Variants in USP9X observed in about 807,000 individuals in gnomAD.
USP9X encodes ubiquitin carboxyl-terminal hydrolase 9X.
In USP9X, 7 loss-of-function variants were observed where a neutral mutation model predicts 190.3. The observed-to-expected ratio is 0.04, with a 90% CI of 0.02 to 0.07. The LOEUF (loss-of-function observed/expected upper bound fraction) is 0.07, where lower values mean the gene tolerates loss of function less well. USP9X is among the 10% of genes least tolerant of loss of function. The pLI, the probability that USP9X is intolerant of heterozygous loss-of-function variation, is 1.00. For synonymous variants in USP9X, 645 were observed against 659.5 expected, an observed-to-expected ratio of 0.98 and a Z score of 0.34; for missense variants, 1,010 against 1,916.9, an observed-to-expected ratio of 0.53 and a Z score of 8.83.
chrX:41,198,562 A>T lies in USP9X; in HGVS notation c.4415A>T (p.Asn1472Ile). 8 of 1,208,147 alleles carry T rather than the reference A, an allele frequency of 6.6e-6. No homozygotes were observed. Among genetic ancestry groups the T allele is most frequent in the Non-Finnish European group, 8.9e-6 (8 of 893,925 alleles). ...GATGATTTCATATTTCCTGCATCCA[A>T]TGTTTACCTACAGTATATGAGAAAT... is the stretch of plus-strand genomic sequence containing the variant. ...LIDDFIFPAS[N>I]VYLQYMRNGE... Residue 1472 changes from asparagine (N) to isoleucine (I), a missense_variant, in exon 30 of 45, where the codon AAT (asparagine) becomes ATT (isoleucine). Asn to Ile is a moderately radical substitution (Grantham distance 149, BLOSUM62 -3). Transcript: ENST00000378308.
intron 11 of USP9X, among the ~76,000 whole-genome samples, chrX:41,146,252 T>G (rs932996191): frequency 8.9e-6 from 1 of 112,322 alleles, no homozygotes; most frequent in African/African-American, 3.2e-5. Flanking sequence ...CCCTTTGGCT[T>G]AACATATGTT....
intron 4 of USP9X, 126 bp from the exon 5 acceptor site, chrX:41,134,599 C>T (rs970279937): frequency 4.1e-6 from 2 of 487,770 alleles, no homozygotes; most frequent in Admixed American, 7.9e-5. Flanking sequence ...TACTTTTATG[C>T]AATTAAATAT....
At position 41,170,106 on chromosome X, in the gene USP9X, A is replaced by G; in HGVS notation, c.2748A>G (p.Arg916=). ...SHTNDTIGSV[R]RCILNRIKAN... ...CAAATGATACAATTGGTTCAGTACG[A>G]CGATGTATTCTCAATCGTATTAAAG... is the stretch of plus-strand genomic sequence containing the variant. Residue 916 remains arginine, a synonymous_variant, in exon 19 of 45, where the codon CGA becomes CGG. Coordinates refer to ENST00000378308, the MANE Select transcript of USP9X (RefSeq NM_001039591.3). The G allele has an allele frequency of 2.5e-6, 3 of 1,211,871 alleles. No homozygotes were observed. The highest frequency in any genetic ancestry group is 3.3e-6 in the Non-Finnish European group (3 of 895,546).
chrX:41,136,275 C>T (rs1293570527), intron 5 of USP9X, among the ~76,000 whole-genome samples: 5 of 112,119 alleles, frequency 4.5e-5, no homozygotes, highest in Non-Finnish European at 1.9e-5. Flanking sequence ...ATTCTCATGC[C>T]TCAGCCTCCC....
At chrX:41,230,618 C>T (rs1305930127) in intron 44 of USP9X, 22 bp downstream of exon 44, 1 of 1,148,689 alleles carries the variant, frequency 8.7e-7, no homozygotes, top group Admixed American at 2.3e-5. Flanking sequence ...TCAGTTTATG[C>T]TTTTATCCCC....
At chrX:41,174,026 A>C (rs1464480271) in intron 21 of USP9X, among the ~76,000 whole-genome samples, 1 of 112,078 alleles carries the variant, frequency 8.9e-6, no homozygotes, top group East Asian at 2.8e-4. Flanking sequence ...CCATTGTGTT[A>C]TAATTGCCTA....
intron 26 of USP9X, among the ~76,000 whole-genome samples, chrX:41,193,104 C>A (rs1311720986): frequency 9.0e-5 from 10 of 110,763 alleles, no homozygotes; most frequent in Non-Finnish European, 1.7e-4. Context: ...TGTGAAAGAA[C>A]AGCAGGGAAA....
chrX:41,100,475 G>GT (rs2062026013), intron 1 of USP9X, among the ~76,000 whole-genome samples: 1 of 111,443 alleles, frequency 9.0e-6, no homozygotes, highest in South Asian at 3.7e-4. Context: ...CTGAGTAAAT[G>GT]AGCGCTCTAC....
At chrX:41,173,134 CTCTTTAA>C (rs2062741739) in intron 21 of USP9X, among the ~76,000 whole-genome samples, 1 of 111,468 alleles carries the variant, frequency 9.0e-6, no homozygotes, top group Non-Finnish European at 1.9e-5. Flanking sequence ...CTTCCCTTCT[CTCTTTAA>C]TCTTATTCCA....
intron 14 of USP9X, 73 bp downstream of exon 14, chrX:41,153,154 G>A: frequency 2.0e-6 from 2 of 1,017,526 alleles, no homozygotes; most frequent in African/African-American, 1.9e-5. Flanking sequence ...CCTTAGAAAT[G>A]TAAATCATGT....
rs1171197678 is a variant in USP9X, at chrX:41,234,223, C to G, written c.*1699C>G. On this transcript the variant is annotated 3_prime_UTR_variant, in exon 45 of 45. Coordinates refer to ENST00000378308, the MANE Select transcript of USP9X (RefSeq NM_001039591.3). Reference sequence around the variant, plus strand: ...CAGGATGTTGACACTGTAAAAGTTTCCTAACATAATCTTGTACTTTTTGTA... The same window carrying G: ...CAGGATGTTGACACTGTAAAAGTTTGCTAACATAATCTTGTACTTTTTGTA... 9.0e-6 allele frequency: 1 copy of G among 111,298 alleles called. No homozygotes were observed. Among genetic ancestry groups the G allele is most frequent in the African/African-American group, 3.3e-5 (1 of 30,562 alleles). 9.2% of individuals were successfully genotyped at this position (111,298 alleles called of 1,213,427 possible).
intron 30 of USP9X, among the ~76,000 whole-genome samples, chrX:41,199,185 GA>G (rs1195442117): frequency 9.4e-6 from 1 of 106,818 alleles, no homozygotes; most frequent in South Asian, 4.1e-4. Flanking sequence ...CTCCATCTCA[GA>G]AAAAAAAGAA....
In USP9X at chrX:41,183,840, T is replaced by C. The variant is rs764719651; in HGVS notation, c.3149-158T>C. Among the ~76,000 whole-genome samples, 20 of 111,281 alleles carry C rather than the reference T, an allele frequency of 1.8e-4. No individual in the cohort carries two copies. The East Asian group carries it at 5.6e-3, about 31-fold the overall frequency. On this transcript the variant is annotated intron_variant, in intron 21 of 44. Coordinates refer to ENST00000378308, the MANE Select transcript of USP9X (RefSeq NM_001039591.3). The stretch of plus-strand genomic sequence containing the variant: ...TTTTTGTTTATTTTTTTTTTCTTTT[T>C]TAATCATTCCAGGTCTTGTCATGTC...
chrX:41,113,696 T>C (rs2062125830), intron 1 of USP9X, among the ~76,000 whole-genome samples: 1 of 111,594 alleles, frequency 9.0e-6, no homozygotes, highest in Non-Finnish European at 1.9e-5. Flanking sequence ...CAGATTTTTT[T>C]CAATAAATAT....
chrX:41,128,025 C>T (rs754144239), intron 2 of USP9X, among the ~76,000 whole-genome samples: 5 of 111,163 alleles, frequency 4.5e-5, no homozygotes, highest in Admixed American at 1.9e-4. Context: ...ACTGTTAAAA[C>T]GGGGGGAGAG....
intron 11 of USP9X, among the ~76,000 whole-genome samples, chrX:41,146,713 C>G (rs1273848889): frequency 1.0e-5 from 1 of 95,729 alleles, no homozygotes; most frequent in East Asian, 3.2e-4. Flanking sequence ...CCCCTCCCCC[C>G]ACCGTGGCAT....
intron 1 of USP9X, among the ~76,000 whole-genome samples, chrX:41,097,542 T>A (rs1024557687): frequency 8.9e-6 from 1 of 111,936 alleles, no homozygotes; most frequent in Non-Finnish European, 1.9e-5. Context: ...GTATTAGAAA[T>A]GAAAACAGAC....
intron 1 of USP9X, among the ~76,000 whole-genome samples, chrX:41,107,252 C>A (rs1569150939): frequency 9.0e-6 from 1 of 110,605 alleles, no homozygotes; most frequent in East Asian, 2.9e-4. Context: ...CTTCTGACCT[C>A]AGGTGAGCCA....
intron 20 of USP9X, among the ~76,000 whole-genome samples, chrX:41,171,240 G>GC (rs1164869279): frequency 9.0e-6 from 1 of 111,698 alleles, no homozygotes; most frequent in Non-Finnish European, 1.9e-5. Context: ...AGGCTGTGAG[G>GC]CAGGAGGATT....
Sources: gnomAD v4.1 joint callset for allele counts (sites outside exome capture counted in the v4.1 genomes callset) on GRCh38, gnomAD v4.1.1 for gene constraint, MANE v1.5 for transcripts, NCBI Gene and HGNC (gene_info 2026-07-23, HGNC 2026-07-21) for gene names.